The following ARK2C variants were observed in gnomAD, a reference collection of about 807,000 sequenced individuals.
The protein encoded by ARK2C is E3 ubiquitin-protein ligase ARK2C.
the ARK2C span, among the ~76,000 whole-genome samples, chr18:46,381,243 A>G: frequency 6.6e-6 from 1 of 152,180 alleles, no homozygotes; most frequent in Non-Finnish European, 1.5e-5. Context: ...CCTGATTTCC[A>G]TCCAGACTTG....
chr18:46,435,576 T>C, the ARK2C span, among the ~76,000 whole-genome samples: 1 of 152,234 alleles, frequency 6.6e-6, no homozygotes, highest in Non-Finnish European at 1.5e-5. Context: ...CACGTGAGCC[T>C]GGTTCTAGCA....
the ARK2C span, among the ~76,000 whole-genome samples, chr18:46,434,035 A>G: frequency 6.6e-6 from 1 of 152,210 alleles, no homozygotes; most frequent in Non-Finnish European, 1.5e-5. Context: ...CACGGTCTAG[A>G]TAGAGTCCGG....
the ARK2C span, chr18:46,459,843 A>G: frequency 6.6e-6 from 1 of 152,616 alleles, no homozygotes; most frequent in African/African-American, 2.4e-5. Context: ...CTCCTGCTCA[A>G]CTCAAGGGAC....
the ARK2C span, among the ~76,000 whole-genome samples, chr18:46,429,456 T>C: frequency 2.0e-5 from 3 of 152,230 alleles, no homozygotes; most frequent in Admixed American, 2.0e-4. Flanking sequence ...AACCAAAGAT[T>C]AGATTTCTAT....
At chr18:46,353,244 T>G in the ARK2C span, among the ~76,000 whole-genome samples, 11,947 of 152,288 alleles carry the variant, frequency 0.078, 1,540 homozygotes, top group African/African-American at 0.27. Flanking sequence ...AGACACTGAA[T>G]GAAAGCTGCA....
At chr18:46,440,445 T>A in the ARK2C span, among the ~76,000 whole-genome samples, 4 of 152,216 alleles carry the variant, frequency 2.6e-5, no homozygotes, top group East Asian at 3.8e-4. Flanking sequence ...ATAGTATATA[T>A]AGGATTCCTT....
chr18:46,374,577 C>T, the ARK2C span, among the ~76,000 whole-genome samples: 2 of 152,218 alleles, frequency 1.3e-5, no homozygotes, highest in Admixed American at 1.3e-4. Context: ...ACCTGTGCTG[C>T]ACCCTGTGTC....
the ARK2C span, among the ~76,000 whole-genome samples, chr18:46,425,267 G>A: frequency 6.6e-6 from 1 of 152,318 alleles, no homozygotes; most frequent in African/African-American, 2.4e-5. Flanking sequence ...TACTCTCCCA[G>A]GATCCCACAT....
chr18:46,378,439 C>T, the ARK2C span, among the ~76,000 whole-genome samples: 11 of 152,104 alleles, frequency 7.2e-5, no homozygotes, highest in Non-Finnish European at 1.3e-4. Context: ...CCCTGACCAC[C>T]GTGGAGGGGC....
chr18:46,423,470 G>A, the ARK2C span, among the ~76,000 whole-genome samples: 1 of 152,368 alleles, frequency 6.6e-6, no homozygotes, highest in South Asian at 2.1e-4. Context: ...AGGAGAGAGA[G>A]AGGGATGGGG....
chr18:46,455,163 C>A, the ARK2C span, among the ~76,000 whole-genome samples: 1 of 152,164 alleles, frequency 6.6e-6, no homozygotes. Context: ...ATAAATCCAA[C>A]AATATAAATA....
the ARK2C span, among the ~76,000 whole-genome samples, chr18:46,382,555 T>C: frequency 3.3e-5 from 5 of 152,206 alleles, no homozygotes; most frequent in Non-Finnish European, 5.9e-5. Context: ...TACTTACTAC[T>C]GAGAGTAAAA....
the ARK2C span, among the ~76,000 whole-genome samples, chr18:46,434,359 T>C: frequency 6.6e-6 from 1 of 152,230 alleles, no homozygotes; most frequent in Non-Finnish European, 1.5e-5. Context: ...AACAAATTCA[T>C]GTTAACACCA....
chr18:46,379,297 G>A, the ARK2C span, among the ~76,000 whole-genome samples: 1 of 152,174 alleles, frequency 6.6e-6, no homozygotes, highest in South Asian at 2.1e-4. Context: ...TCTCCACTTT[G>A]ACAAACACAA....
chr18:46,450,941 A>C, the ARK2C span: 2,432 of 644,920 alleles, frequency 3.8e-3, 44 homozygotes, highest in African/African-American at 0.04. Flanking sequence ...TAAAGCTGTA[A>C]TAACTTCCCA....
chr18:46,396,805 C>T, the ARK2C span, among the ~76,000 whole-genome samples: 2 of 152,210 alleles, frequency 1.3e-5, no homozygotes. Flanking sequence ...TCAGGGCATC[C>T]AAGGACGGGC....
chr18:46,394,449 G>A, the ARK2C span, among the ~76,000 whole-genome samples: 1 of 152,142 alleles, frequency 6.6e-6, no homozygotes, highest in Non-Finnish European at 1.5e-5. Flanking sequence ...GCTGCCTGAT[G>A]CCTAAGGCAT....
At chr18:46,437,191 C>T in the ARK2C span, among the ~76,000 whole-genome samples, 10 of 140,076 alleles carry the variant, frequency 7.1e-5, 2 homozygotes, top group South Asian at 1.3e-3. Flanking sequence ...CCGCCTGGTC[C>T]ACCCTTGGGC....
the ARK2C span, among the ~76,000 whole-genome samples, chr18:46,416,738 A>T: frequency 1.6e-4 from 24 of 152,290 alleles, no homozygotes; most frequent in East Asian, 4.4e-3. Context: ...AGGACAGTTT[A>T]TTTGTATATC....
Sources: gnomAD v4.1 joint callset for allele counts (sites outside exome capture counted in the v4.1 genomes callset) on GRCh38, gnomAD v4.1.1 for gene constraint, MANE v1.5 for transcripts, NCBI Gene and HGNC (gene_info 2026-07-23, HGNC 2026-07-21) for gene names.